The following ITGA8 variants were observed in gnomAD, a reference collection of about 807,000 sequenced individuals.
ITGA8 encodes the protein integrin alpha-8.
Under a neutral mutation model 142.3 loss-of-function variants are expected in ITGA8, and 91 were observed. The ratio of observed to expected loss-of-function variants is 0.64; its 90% CI spans 0.54 to 0.76. The LOEUF (loss-of-function observed/expected upper bound fraction) is 0.76. ITGA8 is among the 30% of genes least tolerant of loss of function. The pLI is 0.00. For missense variants in ITGA8, 1,406 were observed against 1,327.7 expected (o/e 1.06, Z -0.92); for synonymous variants, 505 against 485.2 (o/e 1.04, Z -0.54).
chr10:15,572,890 G>A (rs1834211250), intron 24 of ITGA8, among the ~76,000 whole-genome samples: 1 of 152,170 alleles, frequency 6.6e-6, no homozygotes, highest in Non-Finnish European at 1.5e-5. Context: ...TTTCAAAGCT[G>A]AGCTCCTTCT....
intron 13 of ITGA8, among the ~76,000 whole-genome samples, chr10:15,627,276 G>A (rs532152889): frequency 2.0e-5 from 3 of 152,210 alleles, no homozygotes; most frequent in Non-Finnish European, 4.4e-5. Flanking sequence ...AGGAAAGAGT[G>A]TAAGTTTCTG....
At chr10:15,586,925 A>G (rs1206012552) in intron 22 of ITGA8, among the ~76,000 whole-genome samples, 1 of 149,882 alleles carries the variant, frequency 6.7e-6, no homozygotes, top group Non-Finnish European at 1.5e-5. Flanking sequence ...AGAAACTAAC[A>G]CTTTTTTTTT....
intron 13 of ITGA8, among the ~76,000 whole-genome samples, chr10:15,619,924 G>A (rs1833458674): frequency 6.6e-6 from 1 of 152,134 alleles, no homozygotes; most frequent in African/African-American, 2.4e-5. Flanking sequence ...CAAATAAGGT[G>A]AAATATTTAT....
chr10:15,558,595 G>T (rs1024471419), intron 25 of ITGA8, among the ~76,000 whole-genome samples: 3 of 152,146 alleles, frequency 2.0e-5, no homozygotes, highest in African/African-American at 7.2e-5. Flanking sequence ...TTCTGTATGG[G>T]GAGATGAATC....
At chr10:15,673,466 G>T (rs1425168255) in intron 6 of ITGA8, among the ~76,000 whole-genome samples, 1 of 152,170 alleles carries the variant, frequency 6.6e-6, no homozygotes, top group African/African-American at 2.4e-5. Context: ...TCTAGGTGGA[G>T]AAACTGAAGC....
intron 3 of ITGA8, among the ~76,000 whole-genome samples, 161 bp from the exon 4 acceptor site, chr10:15,684,288 C>T (rs1834796466): frequency 6.6e-6 from 1 of 151,932 alleles, no homozygotes; most frequent in Non-Finnish European, 1.5e-5. Context: ...AATTAAACTT[C>T]CAAAACTAAT....
chr10:15,599,557 A>G (rs185601402), intron 20 of ITGA8, among the ~76,000 whole-genome samples: 15 of 152,256 alleles, frequency 9.9e-5, no homozygotes. Context: ...ACATAGATCC[A>G]AGCAATCAGA....
intron 8 of ITGA8, among the ~76,000 whole-genome samples, chr10:15,661,184 A>G (rs553360421): frequency 5.9e-5 from 9 of 152,180 alleles, no homozygotes; most frequent in South Asian, 2.1e-4. Context: ...CCTTGCTTAC[A>G]TTACAGCCTG....
At position 15,677,715 on chromosome 10, in the gene ITGA8, T is replaced by A. The variant is rs1834658117; in HGVS notation, c.631-78A>T. On this transcript the variant is annotated intron_variant, in intron 5 of 29. Coordinates refer to ENST00000378076, the MANE Select transcript of ITGA8 (RefSeq NM_003638.3). ...ATTTTTAAAGGGTGATAAATTGTTG[T>A]TAATAAGCATTGCTCTAACAATTTG... 3 of 1,374,022 alleles carry A rather than the reference T, an allele frequency of 2.2e-6. No individual in the cohort carries two copies. In the Admixed American group the frequency reaches 5.4e-5, roughly 25 times the overall value. 85.1% of individuals were successfully genotyped at this position (1,374,022 alleles called of 1,614,324 possible). A position where few individuals can be genotyped will look rare whatever the true frequency, so the allele number is the denominator to read the frequency against.
intron 28 of ITGA8, 58 bp downstream of exon 28, chr10:15,530,992 A>G: frequency 3.0e-6 from 3 of 1,015,628 alleles, no homozygotes; most frequent in Non-Finnish European, 4.4e-6. Flanking sequence ...CTAGACAGTG[A>G]TTAAAACAAT....
At chr10:15,557,185 A>G (rs1833902488) in intron 26 of ITGA8, among the ~76,000 whole-genome samples, 1 of 152,172 alleles carries the variant, frequency 6.6e-6, no homozygotes, top group African/African-American at 2.4e-5. Context: ...GTTCAAGACC[A>G]GCCTGGCCAA....
At chr10:15,646,128 T>C (rs1199544498) in intron 12 of ITGA8, among the ~76,000 whole-genome samples, 1 of 152,212 alleles carries the variant, frequency 6.6e-6, no homozygotes, top group Non-Finnish European at 1.5e-5. Context: ...TTCCTGCCTC[T>C]ACTGAGAGCT....
chr10:15,517,625 T>G (rs930945318), intron 29 of ITGA8, among the ~76,000 whole-genome samples: 15 of 152,178 alleles, frequency 9.9e-5, no homozygotes, highest in Admixed American at 3.9e-4. Context: ...CACCTGGCCC[T>G]TTATGTATTT....
At chr10:15,659,195 C>T in intron 9 of ITGA8, 140 bp from the exon 10 acceptor site, 1 of 533,308 alleles carries the variant, frequency 1.9e-6, no homozygotes, top group Non-Finnish European at 3.2e-6. Flanking sequence ...AATGAAAGCC[C>T]ACGGAATGAT....
At chr10:15,626,842 CT>C (rs1833592582) in intron 13 of ITGA8, among the ~76,000 whole-genome samples, 1 of 152,180 alleles carries the variant, frequency 6.6e-6, no homozygotes, top group Non-Finnish European at 1.5e-5. Context: ...ACCAACCCTG[CT>C]GACGCCTTGA....
intron 11 of ITGA8, among the ~76,000 whole-genome samples, chr10:15,647,554 C>T (rs1378470025): frequency 6.7e-6 from 1 of 149,340 alleles, no homozygotes; most frequent in Admixed American, 6.7e-5. Context: ...GCTCCGCTTC[C>T]CGGGTTCACG....
chr10:15,633,211 T>C (rs994025421), intron 13 of ITGA8, among the ~76,000 whole-genome samples: 2 of 152,146 alleles, frequency 1.3e-5, no homozygotes, highest in African/African-American at 4.8e-5. Flanking sequence ...TATGCTTCCA[T>C]CATTTTGGAC....
rs548227261 is a variant in ITGA8, at chr10:15,650,812, C to G, written c.1002-3761G>C. Among the ~76,000 whole-genome samples the G allele has an allele frequency of 2.0e-5, 3 of 152,156 alleles. No homozygotes were observed. In the South Asian group the frequency reaches 6.2e-4, roughly 32 times the overall value. ...TATTAAAAGAATACAGATTAGTGGA[C>G]TATATAGTAAATATCAAATCAACCT... On this transcript the variant is annotated intron_variant, in intron 11 of 29. Transcript: ENST00000378076.
chr10:15,622,597 C>T (rs1054384418), intron 13 of ITGA8, among the ~76,000 whole-genome samples: 2 of 79,448 alleles, frequency 2.5e-5, no homozygotes, highest in African/African-American at 6.7e-5. Context: ...CAAAACAAAA[C>T]AAAACAAAAA....
Sources: gnomAD v4.1 joint callset for allele counts (sites outside exome capture counted in the v4.1 genomes callset) on GRCh38, gnomAD v4.1.1 for gene constraint, MANE v1.5 for transcripts, NCBI Gene and HGNC (gene_info 2026-07-23, HGNC 2026-07-21) for gene names.